OTUB1: variants seen among roughly 807,000 people sequenced by gnomAD.
OTUB1 encodes OTU deubiquitinase, ubiquitin aldehyde binding 1, also known as ubiquitin thioesterase OTUB1.
Under a neutral mutation model 35.8 loss-of-function variants are expected in OTUB1, and 10 were observed. The ratio of observed to expected loss-of-function variants is 0.28; its 90% CI spans 0.17 to 0.47. The LOEUF (loss-of-function observed/expected upper bound fraction) is 0.47. OTUB1 is among the 20% of genes least tolerant of loss of function. The pLI, the probability that OTUB1 is intolerant of heterozygous loss-of-function variation, is 0.99. For synonymous variants in OTUB1, 158 were observed against 143.8 expected, an observed-to-expected ratio of 1.10 and a Z score of -0.71; for missense variants, 264 against 351.6, an observed-to-expected ratio of 0.75 and a Z score of 1.99.
Position 63,997,572 on chromosome 11 carries a change from T to C in OTUB1, c.*26T>C, listed in dbSNP as rs769977704. The C allele has an allele frequency of 6.3e-7, 1 of 1,597,534 alleles. No individual in the cohort carries two copies. Among genetic ancestry groups the C allele is most frequent in the East Asian group, 2.2e-5 (1 of 44,792 alleles). ...GGCTGGCTCCAGCCCGCTGCTGCCC[T>C]GCTGCCCCCCTCTGCCAGGCGCTAG... On this transcript the variant is annotated 3_prime_UTR_variant, in exon 7 of 7. Coordinates refer to ENST00000538426, the MANE Select transcript of OTUB1 (RefSeq NM_017670.3).
intron 5 of OTUB1, 40 bp from the exon 6 acceptor site, chr11:63,997,010 C>G (rs751598728): frequency 6.2e-7 from 1 of 1,612,230 alleles, no homozygotes; most frequent in South Asian, 1.1e-5. Context: ...CCACCCATCT[C>G]CTCCCCGTCA....
At chr11:63,988,791 G>T in intron 3 of OTUB1, 39 bp downstream of exon 3, 1 of 1,369,578 alleles carries the variant, frequency 7.3e-7, no homozygotes, top group Non-Finnish European at 1.0e-6. Flanking sequence ...GCACCCTGGG[G>T]GTGGGGCAGG....
Position 63,986,544 on chromosome 11 carries a change from G to T in OTUB1, c.58+30G>T, listed in dbSNP as rs779301752. The T allele has an allele frequency of 5.3e-6, 8 of 1,519,784 alleles. No individual in the cohort carries two copies. The Admixed American group carries it at 1.6e-4, about 31-fold the overall frequency. The allele number at this position is 1,519,784 out of a possible 1,614,324, so 94.1% of individuals were successfully genotyped here. On this transcript the variant is annotated intron_variant, in intron 1 of 6. Transcript: ENST00000538426. ...AGATCCAAGGAGGGATGTCCGGCCCGGGCTAGTGGGGGCGATGCCGGGCCA... is the reference window on the plus strand; with the variant it reads ...AGATCCAAGGAGGGATGTCCGGCCCTGGCTAGTGGGGGCGATGCCGGGCCA...
chr11:63,997,896 CAG>C lies in OTUB1; in HGVS notation c.*351_*352del. ...TGCTTCCTTCCCTTCTTAGCTGGCT[CAG>C]GGGCTTCTATGGGATCCTGGAAGTT... On this transcript the variant is annotated 3_prime_UTR_variant, in exon 7 of 7. Transcript: ENST00000538426. 1.6e-6 allele frequency: 1 copy of C among 620,998 alleles called. No individual in the cohort carries two copies. Among genetic ancestry groups the C allele is most frequent in the Non-Finnish European group, 2.9e-6 (1 of 348,040 alleles). The allele number at this position is 620,998 out of a possible 1,614,324, so 38.5% of individuals were successfully genotyped here.
At chr11:63,990,939 T>A (rs1317686223) in intron 3 of OTUB1, among the ~76,000 whole-genome samples, 1 of 152,212 alleles carries the variant, frequency 6.6e-6, no homozygotes, top group African/African-American at 2.4e-5. Context: ...TCCTGACTTC[T>A]AACAGTTGGC....
chr11:63,986,574 C>T, intron 1 of OTUB1, 60 bp downstream of exon 1: 10 of 1,458,632 alleles, frequency 6.9e-6, no homozygotes, highest in Non-Finnish European at 9.3e-6. Context: ...GGGCCAGCTG[C>T]TCCCGAGGAG....
intron 3 of OTUB1, 106 bp from the exon 4 acceptor site, chr11:63,996,424 A>T: frequency 8.1e-7 from 1 of 1,236,268 alleles, no homozygotes; most frequent in Non-Finnish European, 1.2e-6. Context: ...GGCTGCTGGG[A>T]GCTCAGTTGC....
rs1440808661 is a variant in OTUB1, at chr11:63,997,741, T to C, written c.*195T>C. ...GTCCCTGCTCTGCTGCCCGCCTGGC[T>C]GCTCTGTCTGCTGCCCCCTCCCCCC... is the stretch of plus-strand genomic sequence containing the variant. On this transcript the variant is annotated 3_prime_UTR_variant, in exon 7 of 7. Coordinates refer to ENST00000538426, the MANE Select transcript of OTUB1 (RefSeq NM_017670.3). The C allele has an allele frequency of 1.4e-6, 1 of 703,756 alleles. No individual in the cohort carries two copies. Among genetic ancestry groups the C allele is most frequent in the Non-Finnish European group, 2.6e-6 (1 of 386,934 alleles). 43.6% of individuals were successfully genotyped at this position (703,756 alleles called of 1,614,324 possible). A position where few individuals can be genotyped will look rare whatever the true frequency, so the allele number is the denominator to read the frequency against.
chr11:63,989,068 C>T, intron 3 of OTUB1: 1 of 237,182 alleles, frequency 4.2e-6, no homozygotes, highest in Non-Finnish European at 8.2e-6. Context: ...GCCTGTAATC[C>T]CAGCGCTTTG....
chr11:63,995,483 A>G (rs1486872993), intron 3 of OTUB1, among the ~76,000 whole-genome samples: 1 of 152,010 alleles, frequency 6.6e-6, no homozygotes, highest in Non-Finnish European at 1.5e-5. Flanking sequence ...AGCGTGAGCC[A>G]TCGCGCCCAG....
At chr11:63,986,748 A>C (rs552049396) in intron 1 of OTUB1, 8 of 508,270 alleles carry the variant, frequency 1.6e-5, no homozygotes, top group Admixed American at 3.8e-5. Context: ...GCCCTTCTCC[A>C]TCGTGTGCGC....
intron 4 of OTUB1, 63 bp from the exon 5 acceptor site, chr11:63,996,794 G>A (rs771430687): frequency 6.2e-6 from 10 of 1,610,482 alleles, no homozygotes; most frequent in South Asian, 1.1e-5. Flanking sequence ...GTGCTGTCTC[G>A]GCCCTGGCGT....
intron 3 of OTUB1, among the ~76,000 whole-genome samples, chr11:63,993,773 G>A (rs1942693845): frequency 1.3e-5 from 2 of 151,770 alleles, no homozygotes; most frequent in African/African-American, 4.8e-5. Context: ...CCTTCAACTT[G>A]ATCCTCCCCC....
At chr11:63,993,570 A>G (rs999770804) in intron 3 of OTUB1, among the ~76,000 whole-genome samples, 1 of 151,784 alleles carries the variant, frequency 6.6e-6, no homozygotes, top group Non-Finnish European at 1.5e-5. Flanking sequence ...AGGCTGAGAC[A>G]GGAGAATTGC....
Position 63,986,521 on chromosome 11 carries a change from A to C in OTUB1, c.58+7A>C, listed in dbSNP as rs1383815952. The C allele has an allele frequency of 1.3e-6, 2 of 1,547,048 alleles. No homozygotes were observed. The highest frequency in any genetic ancestry group is 1.7e-6 in the Non-Finnish European group (2 of 1,145,008). On this transcript the variant is annotated splice_region_variant and intron_variant, in intron 1 of 6. Transcript: ENST00000538426. Reference sequence around the variant, plus strand: ...CTGGGCAGCGACTCCGAAGGTACAGATCCAAGGAGGGATGTCCGGCCCGGG... The same window carrying C: ...CTGGGCAGCGACTCCGAAGGTACAGCTCCAAGGAGGGATGTCCGGCCCGGG...
intron 1 of OTUB1, among the ~76,000 whole-genome samples, chr11:63,988,066 G>C (rs1386947890): frequency 6.6e-6 from 1 of 152,192 alleles, no homozygotes. Flanking sequence ...CCTGAGGTCA[G>C]GAGTTCGAGA....
chr11:63,989,324 A>C (rs1329928580), intron 3 of OTUB1: 1 of 152,054 alleles, frequency 6.6e-6, no homozygotes, highest in Non-Finnish European at 1.5e-5. Flanking sequence ...CACAAAAAAA[A>C]AAAAAAGACA....
Position 63,997,995 on chromosome 11 carries a change from T to G in OTUB1, c.*449T>G. 1.8e-6 allele frequency: 1 copy of G among 545,502 alleles called. No individual in the cohort carries two copies. The highest frequency in any genetic ancestry group is 3.1e-5 in the East Asian group (1 of 31,782). 33.8% of individuals were successfully genotyped at this position (545,502 alleles called of 1,614,324 possible). On this transcript the variant is annotated 3_prime_UTR_variant, in exon 7 of 7. Transcript: ENST00000538426. ...CTCCCTCATAGGCCCCACCTCCACG[T>G]CCCGGCTGGGCCCCAGACCCCAGCT...
intron 3 of OTUB1, among the ~76,000 whole-genome samples, chr11:63,993,725 T>C (rs1942693407): frequency 6.6e-6 from 1 of 152,098 alleles, no homozygotes; most frequent in African/African-American, 2.4e-5. Context: ...AATTTACATT[T>C]TTGTAGAGAT....
Sources: allele counts gnomAD v4.1 joint callset (sites outside exome capture counted in the v4.1 genomes callset), GRCh38; gene constraint gnomAD v4.1.1; transcripts MANE v1.5; gene names NCBI Gene and HGNC (gene_info 2026-07-23, HGNC 2026-07-21).